Variants in TNS3 observed in about 807,000 individuals in gnomAD.
TNS3 encodes the protein tensin 3, also known as tensin-3.
Under a neutral mutation model 140.9 loss-of-function variants are expected in TNS3, and 45 were observed. The observed-to-expected ratio is 0.32, with a 90% CI of 0.25 to 0.41. TNS3 has a LOEUF of 0.41. TNS3 is among the 10% of genes least tolerant of loss of function. The pLI, the probability that TNS3 is intolerant of heterozygous loss-of-function variation, is 1.00. For missense variants in TNS3, 1,716 were observed against 1,906.7 expected, an observed-to-expected ratio of 0.90 and a Z score of 1.86; for synonymous variants, 815 against 788.4, an observed-to-expected ratio of 1.03 and a Z score of -0.56.
chr7:47,336,756 A>G (rs1040856515), intron 20 of TNS3, among the ~76,000 whole-genome samples: 1 of 152,222 alleles, frequency 6.6e-6, no homozygotes, highest in Non-Finnish European at 1.5e-5. Flanking sequence ...ATAAAAATAA[A>G]AAATAGAAAA....
intron 3 of TNS3, among the ~76,000 whole-genome samples, chr7:47,493,542 G>A (rs1204533379): frequency 6.6e-6 from 1 of 152,042 alleles, no homozygotes; most frequent in Non-Finnish European, 1.5e-5. Context: ...CAAGAGGCCG[G>A]GCGCGGTGGC....
chr7:47,434,189 G>C (rs1290418768), intron 8 of TNS3, among the ~76,000 whole-genome samples: 1 of 151,902 alleles, frequency 6.6e-6, no homozygotes, highest in Admixed American at 6.6e-5. Flanking sequence ...AGCCTACCTA[G>C]TGCCTTTGCA....
chr7:47,347,114 A>G (rs370888622), intron 17 of TNS3, among the ~76,000 whole-genome samples: 12 of 152,352 alleles, frequency 7.9e-5, no homozygotes, highest in South Asian at 4.1e-4. Context: ...TATTGATGAC[A>G]TAGTCTGAAT....
At chr7:47,409,656 A>ATTTTTTTTTTTTTTTT (rs1314338489) in intron 13 of TNS3, among the ~76,000 whole-genome samples, 1 of 150,020 alleles carries the variant, frequency 6.7e-6, no homozygotes, top group African/African-American at 2.5e-5. Flanking sequence ...CTCTTGGCCT[A>ATTTTTTTTTTTTTTTT]TTCTTTTTTT....
At chr7:47,577,114 T>TCCC (rs890367793) in intron 1 of TNS3, among the ~76,000 whole-genome samples, 3 of 152,060 alleles carry the variant, frequency 2.0e-5, no homozygotes, top group African/African-American at 7.2e-5. Flanking sequence ...CCTGGAGGTG[T>TCCC]CCCCGGTGTC....
At chr7:47,528,918 C>A in intron 2 of TNS3, 118 bp downstream of exon 2, 1 of 516,546 alleles carries the variant, frequency 1.9e-6, no homozygotes, top group Non-Finnish European at 3.0e-6. Flanking sequence ...GACATATAAA[C>A]TAAGAAGGGG....
rs71003401 is a variant in TNS3 at position 47,448,476 on chromosome 7, ATTTTT to A, written c.-75-6426_-75-6422del. ...AGAGCCCAACTCTGGTGGGAATTCG[ATTTTT>A]TTTTTTTTTTTTTTTTGAGACAGAG... On this transcript the variant is annotated intron_variant, in intron 4 of 30. Coordinates refer to ENST00000311160, the MANE Select transcript of TNS3 (RefSeq NM_022748.12). Among the ~76,000 whole-genome samples the A allele has an allele frequency of 6.7e-3, 867 of 129,640 alleles. 4 individuals are homozygous for A. Among genetic ancestry groups the A allele is most frequent in the African/African-American group, 0.022 (714 of 32,236 alleles). The allele number at this position is 129,640 out of a possible 152,430, so 85.0% of individuals were successfully genotyped here. A position where few individuals can be genotyped will look rare whatever the true frequency, so the allele number is the denominator to read the frequency against.
chr7:47,436,872 GTTC>G (rs1472179784), intron 7 of TNS3, among the ~76,000 whole-genome samples: 7 of 152,124 alleles, frequency 4.6e-5, no homozygotes, highest in African/African-American at 1.7e-4. Flanking sequence ...GTATAGATTT[GTTC>G]TATACATATA....
intron 6 of TNS3, among the ~76,000 whole-genome samples, chr7:47,439,126 G>A (rs1224431439): frequency 2.0e-5 from 3 of 152,214 alleles, no homozygotes; most frequent in Non-Finnish European, 4.4e-5. Flanking sequence ...TGGCTCAGGA[G>A]GAGAGTCACA....
intron 3 of TNS3, among the ~76,000 whole-genome samples, chr7:47,498,768 G>A (rs945994765): frequency 7.9e-5 from 12 of 152,174 alleles, no homozygotes; most frequent in African/African-American, 2.4e-4. Flanking sequence ...CCGTCAGCCC[G>A]GCCAAAGGTC....
intron 23 of TNS3, among the ~76,000 whole-genome samples, chr7:47,297,917 G>C (rs1786145401): frequency 6.6e-6 from 1 of 151,402 alleles, no homozygotes; most frequent in Admixed American, 6.6e-5. Flanking sequence ...CTCCGGAGTA[G>C]CTGGGACTAC....
rs1341252175 is a variant in TNS3 at position 47,400,894 on chromosome 7, T to G, written c.744A>C (p.Lys248Asn). The change falls in exon 14 of 31, where the codon AAA becomes AAC. Residue 248 changes from lysine (K) to asparagine (N), a missense_variant. Around this residue, in one of 3 missense-constraint regions of TNS3, gnomAD observed 337 missense variants for 428.9 expected, o/e 0.79. Transcript: ENST00000311160. ...TGACGTCACGGGTGGCCGAGCGGTA[T>G]TTCTTGTGGTAGCATTTCACCTGGG... The part of the protein sequence containing the change: ...GDVMVKCYHK[K>N]YRSATRDVIF... The G allele has an allele frequency of 6.2e-7, 1 of 1,614,180 alleles. No individual in the cohort carries two copies. The highest frequency in any genetic ancestry group is 8.5e-7 in the Non-Finnish European group (1 of 1,180,004).
At chr7:47,293,917 C>A (rs1051505523) in intron 24 of TNS3, 89 bp from the exon 25 acceptor site, 2 of 1,236,586 alleles carry the variant, frequency 1.6e-6, no homozygotes, top group African/African-American at 3.0e-5. Flanking sequence ...CCAGGAGCTA[C>A]AGTTGAAAAG....
chr7:47,373,898 AAC>A (rs1247258596), intron 16 of TNS3, among the ~76,000 whole-genome samples: 1 of 152,106 alleles, frequency 6.6e-6, no homozygotes, highest in East Asian at 1.9e-4. Context: ...ACCAAAACCA[AAC>A]ACACACACAG....
chr7:47,392,487 T>C (rs1280667917), intron 16 of TNS3, among the ~76,000 whole-genome samples: 2 of 151,884 alleles, frequency 1.3e-5, no homozygotes, highest in Non-Finnish European at 2.9e-5. Context: ...GGCGGGGGGA[T>C]AGAAAAGGCA....
intron 16 of TNS3, among the ~76,000 whole-genome samples, chr7:47,377,571 T>C (rs1791473820): frequency 6.6e-6 from 1 of 152,124 alleles, no homozygotes; most frequent in Admixed American, 6.5e-5. Context: ...ACAGAGCAAA[T>C]TTTACTGCAT....
At chr7:47,575,900 A>G (rs1207693403) in intron 1 of TNS3, among the ~76,000 whole-genome samples, 2 of 151,496 alleles carry the variant, frequency 1.3e-5, no homozygotes, top group Non-Finnish European at 2.9e-5. Flanking sequence ...CGAGTAATAC[A>G]GATAAAAAAT....
At position 47,500,874 on chromosome 7, in the gene TNS3, G is replaced by GT. The variant is rs1375041811; in HGVS notation, c.-115+6032dup. On this transcript the variant is annotated intron_variant, in intron 3 of 30. Transcript: ENST00000311160. ...GTGGGTGGATCACTTGAGGTTAGGA[G>GT]TTTGAGACCAGCCTGGCCAATATGG... Among the ~76,000 whole-genome samples the GT allele has an allele frequency of 4.6e-5, 7 of 152,168 alleles. No individual in the cohort carries two copies. The East Asian group carries it at 1.4e-3, about 30-fold the overall frequency.
chr7:47,292,369 G>A (rs561718350), intron 26 of TNS3, among the ~76,000 whole-genome samples: 13 of 152,112 alleles, frequency 8.5e-5, no homozygotes, highest in Non-Finnish European at 1.5e-4. Context: ...TGGGACATAC[G>A]GTCACATCGC....
Sources: allele counts gnomAD v4.1 joint callset (sites outside exome capture counted in the v4.1 genomes callset), GRCh38; gene constraint gnomAD v4.1.1; regional missense constraint gnomAD v4.1.1; transcripts MANE v1.5; gene names NCBI Gene and HGNC (gene_info 2026-07-23, HGNC 2026-07-21).